Variants in ZZEF1 observed in about 807,000 individuals in gnomAD.
ZZEF1 encodes zinc finger ZZ-type and EF-hand domain containing 1.
Under a neutral mutation model 342.8 loss-of-function variants are expected in ZZEF1, and 157 were observed. That is an observed-to-expected ratio of 0.46 (90% CI 0.40 to 0.52). The LOEUF is 0.52. Ranked by LOEUF, ZZEF1 falls within the 20% of genes least tolerant of loss-of-function variation. ZZEF1 has a pLI of 0.00. For synonymous variants in ZZEF1, 1,505 were observed against 1,429.1 expected (o/e 1.05, Z -1.20); for missense variants, 3,480 against 3,725.6 (o/e 0.93, Z 1.72).
At position 4,033,006 on chromosome 17, in the gene ZZEF1, G is replaced by C. The variant is rs2056583101; in HGVS notation, c.6585-4C>G. ...CGCCCAGTCCAAGCCCACCCGGCTG[G>C]AAGGCAAGAGCTCCATTAGGGGCAG... On this transcript the variant is annotated splice_polypyrimidine_tract_variant and splice_region_variant and intron_variant, in intron 40 of 54. Transcript: ENST00000381638. The C allele has an allele frequency of 6.4e-7, 1 of 1,558,726 alleles. No homozygotes were observed. The highest frequency in any genetic ancestry group is 2.4e-5 in the East Asian group (1 of 41,676).
chr17:4,049,137 A>G (rs2056990936), intron 37 of ZZEF1, among the ~76,000 whole-genome samples: 1 of 152,212 alleles, frequency 6.6e-6, no homozygotes, highest in Non-Finnish European at 1.5e-5. Context: ...GACATACAGT[A>G]GCTCAAAGTA....
At chr17:4,137,407 G>A (rs541849573) in intron 1 of ZZEF1, among the ~76,000 whole-genome samples, 9 of 152,266 alleles carry the variant, frequency 5.9e-5, no homozygotes, top group South Asian at 2.1e-4. Flanking sequence ...TCAGGAGATC[G>A]AGACCATCCT....
chr17:4,085,425 A>G (rs1346893451), intron 16 of ZZEF1, among the ~76,000 whole-genome samples: 1 of 152,122 alleles, frequency 6.6e-6, no homozygotes, highest in Non-Finnish European at 1.5e-5. Flanking sequence ...AGTCACAAAG[A>G]TGAAGGAGAC....
chr17:4,060,631 C>T (rs568265052), intron 30 of ZZEF1, among the ~76,000 whole-genome samples: 22 of 151,992 alleles, frequency 1.4e-4, no homozygotes, highest in African/African-American at 3.9e-4. Flanking sequence ...CCAAAAAACC[C>T]CTTCCTGCTT....
At chr17:4,082,245 G>A (rs1024691920) in intron 17 of ZZEF1, among the ~76,000 whole-genome samples, 192 bp downstream of exon 17, 3 of 152,188 alleles carry the variant, frequency 2.0e-5, no homozygotes, top group African/African-American at 7.2e-5. Context: ...GTCTTAAAAT[G>A]GATGGGAACT....
At chr17:4,115,837 G>A (rs2058385280) in intron 3 of ZZEF1, among the ~76,000 whole-genome samples, 1 of 151,994 alleles carries the variant, frequency 6.6e-6, no homozygotes, top group African/African-American at 2.4e-5. Context: ...TTTGCTGTGA[G>A]CAAGGTTAAT....
chr17:4,061,536 CCT>C (rs1403252239), intron 30 of ZZEF1, among the ~76,000 whole-genome samples: 1 of 152,142 alleles, frequency 6.6e-6, no homozygotes, highest in African/African-American at 2.4e-5. Context: ...AAAACGCTGA[CCT>C]CTGTTTTCTC....
intron 24 of ZZEF1, among the ~76,000 whole-genome samples, chr17:4,073,226 T>C (rs2057544791): frequency 6.6e-6 from 1 of 152,244 alleles, no homozygotes; most frequent in South Asian, 2.1e-4. Context: ...TGGAGAAATA[T>C]TAAAAAAATC....
At chr17:4,049,675 T>A (rs758424235) in intron 37 of ZZEF1, 33 bp downstream of exon 37, 1 of 1,612,828 alleles carries the variant, frequency 6.2e-7, no homozygotes, top group African/African-American at 1.3e-5. Flanking sequence ...GAGTTCAACC[T>A]GTGATTCTGT....
chr17:4,094,533 T>A (rs1280380984), intron 11 of ZZEF1, among the ~76,000 whole-genome samples: 1 of 144,830 alleles, frequency 6.9e-6, no homozygotes, highest in Non-Finnish European at 1.6e-5. Flanking sequence ...CCTGACCTGT[T>A]TATCCATTGG....
intron 23 of ZZEF1, 87 bp from the exon 24 acceptor site, chr17:4,074,438 T>C: frequency 7.3e-7 from 1 of 1,373,918 alleles, no homozygotes; most frequent in Non-Finnish European, 1.0e-6. Flanking sequence ...GAGAAACATC[T>C]CAGTTTAAAA....
intron 2 of ZZEF1, among the ~76,000 whole-genome samples, chr17:4,121,593 A>G (rs558149191): frequency 6.6e-6 from 1 of 152,338 alleles, no homozygotes; most frequent in East Asian, 1.9e-4. Flanking sequence ...ACTGCACTCC[A>G]GCCTGGGTGA....
chr17:4,139,598 T>G (rs545182854), intron 1 of ZZEF1, among the ~76,000 whole-genome samples: 2 of 152,370 alleles, frequency 1.3e-5, no homozygotes, highest in Admixed American at 6.5e-5. Context: ...GGATAGACAT[T>G]CTTAAAGCAC....
chr17:4,019,503 C>G (rs998052191), intron 46 of ZZEF1, among the ~76,000 whole-genome samples, 166 bp downstream of exon 46: 1 of 152,190 alleles, frequency 6.6e-6, no homozygotes, highest in African/African-American at 2.4e-5. Context: ...ATCCAGGTAA[C>G]GTAGCACAGG....
intron 1 of ZZEF1, among the ~76,000 whole-genome samples, chr17:4,131,332 G>A (rs566709377): frequency 3.3e-5 from 5 of 152,120 alleles, no homozygotes; most frequent in African/African-American, 1.2e-4. Context: ...TTGATAGAAT[G>A]CCAATGTGTT....
At chr17:4,022,950 A>G (rs2056307763) in intron 43 of ZZEF1, 122 bp from the exon 44 acceptor site, 2 of 1,331,432 alleles carry the variant, frequency 1.5e-6, no homozygotes, top group East Asian at 2.5e-5. Context: ...ATACTTTTGA[A>G]TGAAGCCTAT....
chr17:4,085,882 T>C, intron 15 of ZZEF1, 79 bp from the exon 16 acceptor site: 1 of 1,545,852 alleles, frequency 6.5e-7, no homozygotes, highest in African/African-American at 1.4e-5. Context: ...AGCCTATAAA[T>C]TCACTACTCT....
chr17:4,032,974 T>C lies in ZZEF1; in HGVS notation c.6613A>G (p.Met2205Val), dbSNP rs1341726900. 1.3e-6 allele frequency: 2 copies of C among 1,592,246 alleles called. No homozygotes were observed. The highest frequency in any genetic ancestry group is 1.7e-6 in the Non-Finnish European group (2 of 1,169,136). ...SRVGLDWACS[M>V]AEILRSLNSA... is the part of the protein sequence containing the mutation. ...TTGAGTGACCGCAGGATCTCTGCCATGGAGCACGCCCAGTCCAAGCCCACC... is the reference window on the plus strand; with the variant it reads ...TTGAGTGACCGCAGGATCTCTGCCACGGAGCACGCCCAGTCCAAGCCCACC... Residue 2205 changes from methionine (M) to valine (V), a missense_variant, in exon 41 of 55, where the codon ATG becomes GTG. Around this residue, in one of 5 missense-constraint regions of ZZEF1, gnomAD observed 1,269 missense variants for 1,342.4 expected, o/e 0.95. Transcript: ENST00000381638.
At position 4,086,543 on chromosome 17, in the gene ZZEF1, T is replaced by G. The variant is rs756714194; in HGVS notation, c.2455A>C (p.Ile819Leu). Residue 819 changes from isoleucine (I) to leucine (L), a missense_variant, in exon 15 of 55, where the codon ATC becomes CTC. By Grantham distance (5) the Ile-to-Leu change is conservative. This residue lies in a region of ZZEF1 where 1,528 missense variants were observed against 1,624.1 expected (regional missense o/e 0.94). Coordinates refer to ENST00000381638, the MANE Select transcript of ZZEF1 (RefSeq NM_015113.4). ...GCCTCTACTCCTTTAGGGCTTTGGA[T>G]TGGAGCCTTTTCCTCCTCAGAAGCA... is the stretch of plus-strand genomic sequence containing the variant. Reference protein sequence around the residue: ...LAASEEEKAPIQSPKGVEAAK... With the variant: ...LAASEEEKAPLQSPKGVEAAK... 6.2e-7 allele frequency: 1 copy of G among 1,614,180 alleles called. No homozygotes were observed. The highest frequency in any genetic ancestry group is 8.5e-7 in the Non-Finnish European group (1 of 1,180,024).
Sources: allele counts gnomAD v4.1 joint callset (sites outside exome capture counted in the v4.1 genomes callset), GRCh38; gene constraint gnomAD v4.1.1; regional missense constraint gnomAD v4.1.1; transcripts MANE v1.5; gene names NCBI Gene and HGNC (gene_info 2026-07-23, HGNC 2026-07-21).